IQGAP1: variants seen among roughly 807,000 people sequenced by gnomAD.
IQGAP1 encodes ras GTPase-activating-like protein IQGAP1.
Under a neutral mutation model 215.6 loss-of-function variants are expected in IQGAP1, and 66 were observed. That is an observed-to-expected ratio of 0.31 (90% CI 0.25 to 0.38). IQGAP1 has a LOEUF of 0.38. Ranked by LOEUF, IQGAP1 falls within the 10% of genes least tolerant of loss-of-function variation. The probability of loss-of-function intolerance (pLI) is 1.00; values close to 1 mark genes in which losing one functional copy is unlikely to be tolerated. For synonymous variants in IQGAP1, 772 were observed against 728.7 expected (o/e 1.06, Z -0.96); for missense variants, 1,712 against 1,997.1 (o/e 0.86, Z 2.72).
At chr15:90,452,050 G>T (rs8024438) in intron 11 of IQGAP1, among the ~76,000 whole-genome samples, 2,147 of 152,176 alleles carry the variant, frequency 0.014, 42 homozygotes, top group African/African-American at 0.049. Flanking sequence ...GGATGGTCTC[G>T]ATCTCCTGAC....
intron 11 of IQGAP1, 85 bp from the exon 12 acceptor site, chr15:90,452,690 G>A: frequency 1.4e-6 from 2 of 1,438,854 alleles, no homozygotes; most frequent in Non-Finnish European, 1.9e-6. Context: ...CACAGAATGT[G>A]ATATTTTTCC....
chr15:90,492,497 A>G, intron 34 of IQGAP1, 48 bp from the exon 35 acceptor site: 5 of 1,458,386 alleles, frequency 3.4e-6, no homozygotes, highest in Non-Finnish European at 4.7e-6. Flanking sequence ...GTGTGAAATG[A>G]TAATGATAAC....
At chr15:90,438,559 C>T (rs1965401613) in intron 5 of IQGAP1, among the ~76,000 whole-genome samples, 1 of 151,850 alleles carries the variant, frequency 6.6e-6, no homozygotes, top group Non-Finnish European at 1.5e-5. Context: ...TGTTAAATTA[C>T]CTGGATTAAA....
chr15:90,401,959 A>T (rs879888465), intron 2 of IQGAP1, among the ~76,000 whole-genome samples: 15 of 152,208 alleles, frequency 9.9e-5, no homozygotes, highest in Admixed American at 5.2e-4. Context: ...AAGGTCATAT[A>T]TTGGAATTCA....
chr15:90,483,933 C>T (rs1966091553), intron 29 of IQGAP1, among the ~76,000 whole-genome samples: 1 of 152,166 alleles, frequency 6.6e-6, no homozygotes, highest in African/African-American at 2.4e-5. Flanking sequence ...CTTCAGAGCA[C>T]TGTCTTAGAG....
In IQGAP1 at chr15:90,410,843, TAA is replaced by T. The variant is rs58903853; in HGVS notation, c.156-15253_156-15252del. 2.6e-3 allele frequency among the ~76,000 whole-genome samples: 332 copies of T among 126,666 alleles called. 1 individual carries two copies. The highest frequency in any genetic ancestry group is 8.1e-3 in the East Asian group (39 of 4,822). 83.1% of individuals were successfully genotyped at this position (126,666 alleles called of 152,430 possible). ...ATGTACCCTAGAACTTAAAGTATAA[TAA>T]AAAAAAAAAAAAAGAAAAAACATTC... On this transcript the variant is annotated intron_variant, in intron 2 of 37. Transcript: ENST00000268182.
intron 2 of IQGAP1, among the ~76,000 whole-genome samples, chr15:90,420,340 A>C (rs1965115280): frequency 6.6e-6 from 1 of 152,198 alleles, no homozygotes; most frequent in Non-Finnish European, 1.5e-5. Flanking sequence ...AGATCTTTCC[A>C]AGTCCATGGC....
chr15:90,474,451 C>T lies in IQGAP1; in HGVS notation c.2576-34C>T, dbSNP rs1159798528. 8 of 1,507,834 alleles carry T rather than the reference C, an allele frequency of 5.3e-6. No individual in the cohort carries two copies. The African/African-American group carries it at 1.1e-4, about 21-fold the overall frequency. 93.4% of individuals were successfully genotyped at this position (1,507,834 alleles called of 1,614,324 possible). ...TTCCTGAGACGTAGTACTTTTTCTGCTAACTCCATTCTTTGATGCATACTT... is the reference window on the plus strand; with the variant it reads ...TTCCTGAGACGTAGTACTTTTTCTGTTAACTCCATTCTTTGATGCATACTT... On this transcript the variant is annotated intron_variant, in intron 22 of 37. Transcript: ENST00000268182.
intron 2 of IQGAP1, among the ~76,000 whole-genome samples, chr15:90,406,855 G>A (rs749824078): frequency 4.7e-4 from 71 of 152,206 alleles, no homozygotes; most frequent in Non-Finnish European, 9.0e-4. Flanking sequence ...GAGAAGTAGC[G>A]TTAGTGGGAA....
chr15:90,483,008 A>T (rs1159582081), intron 28 of IQGAP1, among the ~76,000 whole-genome samples: 2 of 152,214 alleles, frequency 1.3e-5, no homozygotes, highest in Non-Finnish European at 2.9e-5. Flanking sequence ...CATGTGGGTG[A>T]CAGCAGCCTT....
chr15:90,441,983 A>AATG (rs756357188), intron 8 of IQGAP1, among the ~76,000 whole-genome samples: 19 of 152,318 alleles, frequency 1.2e-4, no homozygotes, highest in Non-Finnish European at 2.5e-4. Flanking sequence ...ATACAAATGG[A>AATG]ATGATGCAGT....
At position 90,473,750 on chromosome 15, in the gene IQGAP1, T is replaced by C. The variant is rs1965937702; in HGVS notation, c.2385T>C (p.Tyr795=). The change falls in exon 20 of 38, where the codon TAT becomes TAC. Residue 795 remains tyrosine, a synonymous_variant. Transcript: ENST00000268182. ...GAGGATACAAGCAGAAGAAGGCATATCAAGATCGGTTAGCTTACCTGCGCT... is the reference window on the plus strand; with the variant it reads ...GAGGATACAAGCAGAAGAAGGCATACCAAGATCGGTTAGCTTACCTGCGCT... ...QWRGYKQKKA[Y]QDRLAYLRSH... The C allele has an allele frequency of 6.2e-7, 1 of 1,607,924 alleles. No homozygotes were observed. The highest frequency in any genetic ancestry group is 8.5e-7 in the Non-Finnish European group (1 of 1,178,064).
chr15:90,420,074 G>T (rs80042044), intron 2 of IQGAP1, among the ~76,000 whole-genome samples: 3,811 of 152,186 alleles, frequency 0.025, 134 homozygotes, highest in African/African-American at 0.084. Flanking sequence ...TTTATGACTA[G>T]TGCTTGAAGG....
chr15:90,415,580 C>G (rs563689702), intron 2 of IQGAP1, among the ~76,000 whole-genome samples: 88 of 152,214 alleles, frequency 5.8e-4, no homozygotes, highest in Non-Finnish European at 9.4e-4. Flanking sequence ...ACCGTGAGGT[C>G]TGGAGCTAAC....
At chr15:90,465,635 G>C (rs1965819388) in intron 15 of IQGAP1, among the ~76,000 whole-genome samples, 1 of 151,962 alleles carries the variant, frequency 6.6e-6, no homozygotes, top group African/African-American at 2.4e-5. Context: ...CTAGTAGCTG[G>C]GACTATAGGC....
chr15:90,488,078 A>G (rs1332164619), intron 33 of IQGAP1, among the ~76,000 whole-genome samples: 1 of 151,914 alleles, frequency 6.6e-6, no homozygotes, highest in African/African-American at 2.4e-5. Flanking sequence ...AAAATTAGCC[A>G]GGCTAGGTGG....
intron 6 of IQGAP1, 92 bp from the exon 7 acceptor site, chr15:90,440,410 T>C (rs1167136259): frequency 5.9e-6 from 5 of 849,712 alleles, no homozygotes; most frequent in Non-Finnish European, 9.5e-6. Flanking sequence ...AATGCCATTT[T>C]ATCCCATTGC....
At chr15:90,476,458 C>G (rs1215111996) in intron 23 of IQGAP1, among the ~76,000 whole-genome samples, 1 of 152,134 alleles carries the variant, frequency 6.6e-6, no homozygotes, top group Non-Finnish European at 1.5e-5. Context: ...ATTCTTATGG[C>G]TCAGATTCTT....
chr15:90,475,823 A>G (rs1348940684), intron 23 of IQGAP1: 1 of 152,000 alleles, frequency 6.6e-6, no homozygotes, highest in African/African-American at 2.4e-5. Context: ...TGATAGAGAA[A>G]AGAAGATAAA....
Sources: allele counts gnomAD v4.1 joint callset (sites outside exome capture counted in the v4.1 genomes callset), GRCh38; gene constraint gnomAD v4.1.1; transcripts MANE v1.5; gene names NCBI Gene and HGNC (gene_info 2026-07-23, HGNC 2026-07-21).